Variants in SLIT3 observed in about 807,000 individuals in gnomAD.
SLIT3 encodes the protein slit guidance ligand 3, also known as slit homolog 3 protein.
SLIT3 carries 68 observed loss-of-function variants against 184.0 expected under a neutral mutation model. The observed-to-expected ratio is 0.37, with a 90% CI of 0.30 to 0.45. The LOEUF is 0.45. Among genes scored for constraint, SLIT3 ranks in the 20% least tolerant of loss-of-function variants. The pLI is 1.00. For synonymous variants in SLIT3, 831 were observed against 828.6 expected (o/e 1.00, Z -0.05); for missense variants, 1,707 against 2,026.0 (o/e 0.84, Z 3.02).
chr5:168,958,657 G>T (rs1427389807), intron 4 of SLIT3, among the ~76,000 whole-genome samples: 2 of 152,176 alleles, frequency 1.3e-5, no homozygotes, highest in African/African-American at 4.8e-5. Context: ...CACAATCCAT[G>T]ACAGTTCTTT....
At chr5:168,839,766 C>G (rs1758179442) in intron 6 of SLIT3, among the ~76,000 whole-genome samples, 1 of 152,194 alleles carries the variant, frequency 6.6e-6, no homozygotes, top group African/African-American at 2.4e-5. Flanking sequence ...ATGAACTATG[C>G]TTGGGATTCC....
At chr5:168,684,626 C>T (rs1056950601) in intron 31 of SLIT3, among the ~76,000 whole-genome samples, 1 of 152,120 alleles carries the variant, frequency 6.6e-6, no homozygotes, top group Middle Eastern at 3.2e-3. Context: ...CTTACCACCA[C>T]ACCCTGCTAA....
intron 4 of SLIT3, among the ~76,000 whole-genome samples, chr5:169,095,306 C>T (rs574775297): frequency 1.9e-3 from 283 of 152,162 alleles, no homozygotes; most frequent in Admixed American, 5.5e-3. Flanking sequence ...CATCTTGCAC[C>T]GAAAACCACA....
At chr5:168,942,924 C>T (rs1380425500) in intron 4 of SLIT3, among the ~76,000 whole-genome samples, 1 of 152,200 alleles carries the variant, frequency 6.6e-6, no homozygotes, top group Non-Finnish European at 1.5e-5. Flanking sequence ...TTAACAATGC[C>T]TGCAGTGGGC....
intron 5 of SLIT3, among the ~76,000 whole-genome samples, chr5:168,869,086 T>G (rs1024146786): frequency 6.6e-6 from 1 of 152,220 alleles, no homozygotes; most frequent in African/African-American, 2.4e-5. Context: ...CGGGCAGGAC[T>G]GGGCACCCAG....
At chr5:168,846,006 G>A (rs1375291548) in intron 5 of SLIT3, among the ~76,000 whole-genome samples, 1 of 152,158 alleles carries the variant, frequency 6.6e-6, no homozygotes, top group Non-Finnish European at 1.5e-5. Context: ...CTACCTTTGG[G>A]AACCCTCTTC....
chr5:168,820,951 C>A (rs1468180543), intron 7 of SLIT3, among the ~76,000 whole-genome samples: 1 of 152,124 alleles, frequency 6.6e-6, no homozygotes, highest in Non-Finnish European at 1.5e-5. Flanking sequence ...CACCACCAGC[C>A]GTCCCCCCCA....
chr5:168,922,818 A>G (rs1761683142), intron 4 of SLIT3, among the ~76,000 whole-genome samples: 1 of 152,072 alleles, frequency 6.6e-6, no homozygotes, highest in Admixed American at 6.5e-5. Flanking sequence ...GGGCTCAGCT[A>G]GGGCCAGGTG....
At chr5:169,039,224 G>C (rs115189894) in intron 4 of SLIT3, among the ~76,000 whole-genome samples, 7,233 of 152,118 alleles carry the variant, frequency 0.048, 278 homozygotes, top group Admixed American at 0.096. Context: ...TTACCCTGAG[G>C]GGGTACAGGC....
At chr5:168,807,366 G>A (rs1262398494) in intron 8 of SLIT3, among the ~76,000 whole-genome samples, 2 of 152,174 alleles carry the variant, frequency 1.3e-5, no homozygotes, top group Non-Finnish European at 2.9e-5. Flanking sequence ...CACTTTCTGT[G>A]GTGGTCACAT....
At chr5:168,696,229 A>T in intron 28 of SLIT3, 63 bp downstream of exon 28, 1 of 1,592,374 alleles carries the variant, frequency 6.3e-7, no homozygotes, top group African/African-American at 1.3e-5. Flanking sequence ...GGAGGAAGTT[A>T]AGAAAATGGT....
At chr5:168,720,352 G>C (rs1273612443) in intron 23 of SLIT3, 1 of 146,812 alleles carries the variant, frequency 6.8e-6, no homozygotes, top group Non-Finnish European at 1.5e-5. Flanking sequence ...TGGTCAGGCT[G>C]GTGGTGTTCA....
intron 4 of SLIT3, among the ~76,000 whole-genome samples, chr5:168,928,517 G>A (rs767287840): frequency 1.1e-4 from 16 of 152,294 alleles, no homozygotes; most frequent in Admixed American, 1.3e-4. Context: ...AAAGGCTGCC[G>A]TGTATGTCGT....
chr5:168,890,664 T>C (rs897195771), intron 4 of SLIT3, among the ~76,000 whole-genome samples: 2 of 152,190 alleles, frequency 1.3e-5, no homozygotes, highest in African/African-American at 2.4e-5. Flanking sequence ...TGCTTCAAAA[T>C]AATATAGGAG....
intron 23 of SLIT3, among the ~76,000 whole-genome samples, chr5:168,719,192 C>G (rs1175863398): frequency 6.6e-6 from 1 of 152,228 alleles, no homozygotes; most frequent in African/African-American, 2.4e-5. Flanking sequence ...GCTGGGACTA[C>G]AGGCACACAT....
At chr5:168,969,768 G>A (rs577048174) in intron 4 of SLIT3, among the ~76,000 whole-genome samples, 1 of 152,228 alleles carries the variant, frequency 6.6e-6, no homozygotes, top group African/African-American at 2.4e-5. Context: ...AGCTCCTGGA[G>A]AGCGGGAAGG....
At chr5:168,919,191 C>T (rs571630191) in intron 4 of SLIT3, among the ~76,000 whole-genome samples, 2 of 147,152 alleles carry the variant, frequency 1.4e-5, no homozygotes, top group Non-Finnish European at 3.0e-5. Context: ...ACCCGGGAGG[C>T]GGAGGTTGCA....
intron 1 of SLIT3, among the ~76,000 whole-genome samples, chr5:169,258,410 C>T (rs1766051804): frequency 6.6e-6 from 1 of 152,226 alleles, no homozygotes; most frequent in Non-Finnish European, 1.5e-5. Flanking sequence ...GCTAACAGAG[C>T]ACATTTCCTA....
At chr5:169,106,432 C>A (rs1440664606) in intron 4 of SLIT3, among the ~76,000 whole-genome samples, 1 of 152,182 alleles carries the variant, frequency 6.6e-6, no homozygotes, top group Non-Finnish European at 1.5e-5. Flanking sequence ...ACATTTCTGT[C>A]AAGTGAACCC....
Sources: gnomAD v4.1 joint callset for allele counts (sites outside exome capture counted in the v4.1 genomes callset) on GRCh38, gnomAD v4.1.1 for gene constraint, MANE v1.5 for transcripts, NCBI Gene and HGNC (gene_info 2026-07-23, HGNC 2026-07-21) for gene names.